Variants in GARIN1B observed in about 807,000 individuals in gnomAD.
GARIN1B encodes the protein Golgi-associated RAB2 interactor protein 1B.
At chr7:128,730,996 T>C in the GARIN1B span, 3 of 1,043,730 alleles carry the variant, frequency 2.9e-6, no homozygotes, top group African/African-American at 3.1e-5. Context: ...CTATTATAGA[T>C]AGTTGACAAT....
At chr7:128,729,168 C>T in the GARIN1B span, among the ~76,000 whole-genome samples, 3 of 152,232 alleles carry the variant, frequency 2.0e-5, no homozygotes, top group Admixed American at 2.0e-4. Context: ...TTTTCTCATT[C>T]GGCGAGGGAG....
chr7:128,710,771 G>A, the GARIN1B span, among the ~76,000 whole-genome samples: 36 of 150,872 alleles, frequency 2.4e-4, no homozygotes, highest in African/African-American at 8.3e-4. Flanking sequence ...CGCAACCTCC[G>A]CCTCCCTGAG....
the GARIN1B span, chr7:128,717,029 A>C: frequency 7.7e-6 from 12 of 1,548,612 alleles, no homozygotes; most frequent in Admixed American, 1.1e-4. Flanking sequence ...GGAGGACAAG[A>C]GGGGTGAGGG....
chr7:128,715,781 C>A, the GARIN1B span: 1 of 1,179,072 alleles, frequency 8.5e-7, no homozygotes. Flanking sequence ...GAAACTGGGG[C>A]AGAGTGAGAA....
chr7:128,724,781 C>T, the GARIN1B span: 1 of 1,289,590 alleles, frequency 7.8e-7, no homozygotes, highest in East Asian at 5.6e-5. Flanking sequence ...ACCAGTTGGA[C>T]CAGCAGTTCA....
the GARIN1B span, among the ~76,000 whole-genome samples, chr7:128,730,692 G>A: frequency 6.6e-6 from 1 of 152,116 alleles, no homozygotes; most frequent in African/African-American, 2.4e-5. Flanking sequence ...TATCACCCAG[G>A]CTGGAGTGCA....
the GARIN1B span, among the ~76,000 whole-genome samples, chr7:128,710,194 T>C: frequency 2.2e-3 from 336 of 152,016 alleles, 1 homozygote; most frequent in African/African-American, 7.6e-3. Context: ...GGATTACAGG[T>C]GTGAGCCACC....
At chr7:128,718,287 A>G in the GARIN1B span, among the ~76,000 whole-genome samples, 644 of 151,838 alleles carry the variant, frequency 4.2e-3, 6 homozygotes, top group African/African-American at 0.015. Flanking sequence ...AAAAAATTAG[A>G]CGGGCCTGGT....
chr7:128,716,947 G>A, the GARIN1B span: 2 of 1,613,948 alleles, frequency 1.2e-6, no homozygotes, highest in Admixed American at 1.7e-5. Context: ...ACCAGGGGCA[G>A]AACCAGACAT....
the GARIN1B span, chr7:128,730,090 C>T: frequency 6.2e-7 from 1 of 1,603,634 alleles, no homozygotes. Context: ...GGGAGGAATC[C>T]CCTGCCATTG....
chr7:128,717,245 C>T, the GARIN1B span, among the ~76,000 whole-genome samples: 1 of 152,004 alleles, frequency 6.6e-6, no homozygotes, highest in African/African-American at 2.4e-5. Flanking sequence ...TCTCGCTGCA[C>T]AGACGCCACT....
At chr7:128,726,668 C>T in the GARIN1B span, 10 of 200,606 alleles carry the variant, frequency 5.0e-5, no homozygotes, top group Admixed American at 7.2e-5. Context: ...CTTTAATATG[C>T]GTCACACCCA....
chr7:128,710,956 C>A, the GARIN1B span, among the ~76,000 whole-genome samples: 1 of 152,128 alleles, frequency 6.6e-6, no homozygotes, highest in Non-Finnish European at 1.5e-5. Context: ...CTGCGCCTGG[C>A]CTGGTTTTTC....
At chr7:128,723,442 G>A in the GARIN1B span, 1 of 1,230,932 alleles carries the variant, frequency 8.1e-7, no homozygotes, top group South Asian at 1.5e-5. Context: ...ACCAGGCACG[G>A]TGGCTCACGC....
At chr7:128,714,045 G>A in the GARIN1B span, 1 of 1,535,404 alleles carries the variant, frequency 6.5e-7, no homozygotes, top group Non-Finnish European at 8.7e-7. Context: ...GAGGTTGGAA[G>A]TTGGTTTACT....
chr7:128,731,097 CA>C, the GARIN1B span: 1 of 1,611,834 alleles, frequency 6.2e-7, no homozygotes, highest in Non-Finnish European at 8.5e-7. Context: ...CCTACACTCA[CA>C]GGAAATTCTA....
chr7:128,718,194 A>C, the GARIN1B span, among the ~76,000 whole-genome samples: 1 of 152,172 alleles, frequency 6.6e-6, no homozygotes, highest in Non-Finnish European at 1.5e-5. Context: ...GCACTTTGGG[A>C]GGCAGAGGCA....
At chr7:128,714,340 G>A in the GARIN1B span, among the ~76,000 whole-genome samples, 1 of 152,148 alleles carries the variant, frequency 6.6e-6, no homozygotes, top group Non-Finnish European at 1.5e-5. Flanking sequence ...ACTTTGGGAG[G>A]TCGAGGTGGG....
the GARIN1B span, among the ~76,000 whole-genome samples, chr7:128,726,219 A>G: frequency 3.9e-5 from 6 of 152,382 alleles, no homozygotes; most frequent in South Asian, 1.2e-3. Context: ...TGAAAAGGTC[A>G]TGCTAGCTGT....
Sources: allele counts gnomAD v4.1 joint callset (sites outside exome capture counted in the v4.1 genomes callset), GRCh38; gene constraint gnomAD v4.1.1; transcripts MANE v1.5; gene names NCBI Gene and HGNC (gene_info 2026-07-23, HGNC 2026-07-21).